The following JAKMIP1 variants were observed in gnomAD, a reference collection of about 807,000 sequenced individuals.
JAKMIP1 encodes janus kinase and microtubule-interacting protein 1.
Under a neutral mutation model 113.0 loss-of-function variants are expected in JAKMIP1, and 33 were observed. The ratio of observed to expected loss-of-function variants is 0.29; its 90% CI spans 0.22 to 0.39. The LOEUF is 0.39. Ranked by LOEUF, JAKMIP1 falls within the 10% of genes least tolerant of loss-of-function variation. JAKMIP1 has a pLI of 1.00. For missense variants in JAKMIP1, 813 were observed against 1,080.5 expected, an observed-to-expected ratio of 0.75 and a Z score of 3.47; for synonymous variants, 480 against 459.9, an observed-to-expected ratio of 1.04 and a Z score of -0.56.
chr4:6,038,411 A>G lies in JAKMIP1; in HGVS notation c.2175+2228T>C, dbSNP rs1157522167. Among the ~76,000 whole-genome samples, 4 of 126,036 alleles carry G rather than the reference A, an allele frequency of 3.2e-5. 1 individual carries two copies. Among genetic ancestry groups the G allele is most frequent in the African/African-American group, 7.1e-5 (2 of 28,248 alleles). The allele number at this position is 126,036 out of a possible 152,430, so 82.7% of individuals were successfully genotyped here. A position where few individuals can be genotyped will look rare whatever the true frequency, so the allele number is the denominator to read the frequency against. ...CCCAATAGCCCTCTGTCACCGAGGT[A>G]AAGGCTAACCCAGTAGCCCTCCATC... On this transcript the variant is annotated intron_variant, in intron 18 of 20. Transcript: ENST00000409021.
At chr4:6,102,321 T>G (rs1713178513) in intron 3 of JAKMIP1, among the ~76,000 whole-genome samples, 1 of 152,218 alleles carries the variant, frequency 6.6e-6, no homozygotes, top group African/African-American at 2.4e-5. Context: ...ATTCATACAT[T>G]GAAACTTATC....
intron 1 of JAKMIP1, among the ~76,000 whole-genome samples, chr4:6,146,737 C>T (rs888481600): frequency 2.6e-5 from 4 of 152,156 alleles, no homozygotes; most frequent in Non-Finnish European, 4.4e-5. Flanking sequence ...ATCTGGCCTG[C>T]GGTGGGGCAC....
chr4:6,197,794 C>T lies in JAKMIP1; in HGVS notation c.-148+2459G>A, dbSNP rs1446004728. ...GTCTGGCTCAGAGCCTGAAGAGACA[C>T]AAGGTCCCACCCTCGAGGAGTTAAA... On this transcript the variant is annotated intron_variant, in intron 1 of 20. Transcript: ENST00000409021. This position sits in a 1 kb window ranked among gnomAD's most constrained non-coding sequence, Gnocchi z 6.5. Among the ~76,000 whole-genome samples the T allele has an allele frequency of 2.6e-5, 4 of 152,240 alleles. No homozygotes were observed. Among genetic ancestry groups the T allele is most frequent in the Admixed American group, 1.3e-4 (2 of 15,284 alleles).
Position 6,185,194 on chromosome 4 carries a change from T to C in JAKMIP1, c.-148+15059A>G, listed in dbSNP as rs994448718. Among the ~76,000 whole-genome samples, 2 of 152,244 alleles carry C rather than the reference T, an allele frequency of 1.3e-5. No homozygotes were observed. Among genetic ancestry groups the C allele is most frequent in the Non-Finnish European group, 2.9e-5 (2 of 68,036 alleles). The stretch of plus-strand genomic sequence containing the variant: ...TGTGGGGCTTCACCTTGTGATCTTG[T>C]GAGTCAATTATCCCAATAAACTTCC... On this transcript the variant is annotated intron_variant, in intron 1 of 20. Coordinates refer to ENST00000409021, the MANE Select transcript of JAKMIP1 (RefSeq NM_001099433.2). The surrounding 1 kb of genome is among the most constrained non-coding windows in gnomAD (Gnocchi z 5.3).
In JAKMIP1 at chr4:6,179,723, A is replaced by G. The variant is rs1195005011; in HGVS notation, c.-148+20530T>C. On this transcript the variant is annotated intron_variant, in intron 1 of 20. Transcript: ENST00000409021. The surrounding 1 kb of genome is among the most constrained non-coding windows in gnomAD (Gnocchi z 4.5). ...CAGCTAAACCAAGAGCTGCCACTCA[A>G]AAGAAGAGACTATTCTATGCCAGGT... 6.6e-6 allele frequency among the ~76,000 whole-genome samples: 1 copy of G among 152,234 alleles called. No homozygotes were observed. The highest frequency in any genetic ancestry group is 1.5e-5 in the Non-Finnish European group (1 of 68,042).
At chr4:6,174,672 C>A (rs34111900) in intron 1 of JAKMIP1, among the ~76,000 whole-genome samples, 1 of 151,938 alleles carries the variant, frequency 6.6e-6, no homozygotes, top group Non-Finnish European at 1.5e-5. Flanking sequence ...CGAAACCCCC[C>A]GGAGCAGCTA....
rs1376625216 is a variant in JAKMIP1 at position 6,094,746 on chromosome 4, C to A, written c.625-9117G>T. 2.0e-5 allele frequency among the ~76,000 whole-genome samples: 3 copies of A among 152,196 alleles called. No individual in the cohort carries two copies. Among genetic ancestry groups the A allele is most frequent in the Admixed American group, 6.5e-5 (1 of 15,282 alleles). Reference sequence around the variant, plus strand: ...CAGTGGCTCACGCCTATAATCCCAGCACTTTGGGAGGCAGAGGCAGGACAT... The same window carrying A: ...CAGTGGCTCACGCCTATAATCCCAGAACTTTGGGAGGCAGAGGCAGGACAT... On this transcript the variant is annotated intron_variant, in intron 3 of 20. Coordinates refer to ENST00000409021, the MANE Select transcript of JAKMIP1 (RefSeq NM_001099433.2). The surrounding 1 kb of genome is among the most constrained non-coding windows in gnomAD (Gnocchi z 4.2).
intron 3 of JAKMIP1, among the ~76,000 whole-genome samples, chr4:6,091,688 A>G (rs1490753282): frequency 2.6e-5 from 4 of 152,140 alleles, no homozygotes; most frequent in Non-Finnish European, 4.4e-5. Flanking sequence ...CGTGATTGAG[A>G]AAAGGGGCTG....
chr4:6,047,793 C>A (rs1715183106), intron 16 of JAKMIP1, among the ~76,000 whole-genome samples: 2 of 152,188 alleles, frequency 1.3e-5, no homozygotes, highest in Admixed American at 6.5e-5. Context: ...TAAAGTTGAA[C>A]CCATATGCTT....
At chr4:6,146,402 C>T (rs1379129615) in intron 1 of JAKMIP1, among the ~76,000 whole-genome samples, 1 of 152,176 alleles carries the variant, frequency 6.6e-6, no homozygotes, top group Non-Finnish European at 1.5e-5. Flanking sequence ...ATGTGATCCT[C>T]CCACCTCAGA....
At position 6,069,224 on chromosome 4, in the gene JAKMIP1, TAAAAAA is replaced by T. The variant is rs774819309; in HGVS notation, c.1303-4222_1303-4217del. 6.6e-6 allele frequency among the ~76,000 whole-genome samples: 1 copy of T among 151,920 alleles called. No individual in the cohort carries two copies. Among genetic ancestry groups the T allele is most frequent in the African/African-American group, 2.4e-5 (1 of 41,372 alleles). On this transcript the variant is annotated intron_variant, in intron 8 of 20. Coordinates refer to ENST00000409021, the MANE Select transcript of JAKMIP1 (RefSeq NM_001099433.2). This position sits in a 1 kb window ranked among gnomAD's most constrained non-coding sequence, Gnocchi z 4.5. ...GTCATGACTGGCACACAGTGGGCTT[TAAAAAA>T]AATGGCAAACATGAAAGAAACTTCA...
At chr4:6,027,427 G>A (rs889465887) in intron 20 of JAKMIP1, among the ~76,000 whole-genome samples, 2 of 152,196 alleles carry the variant, frequency 1.3e-5, no homozygotes, top group Admixed American at 1.3e-4. Context: ...TGGGAAGAGG[G>A]AAGGATTCGT....
rs112271324 is a variant in JAKMIP1, at chr4:6,195,036, T to G, written c.-148+5217A>C. 3.3e-3 allele frequency among the ~76,000 whole-genome samples: 503 copies of G among 152,342 alleles called. 4 individuals carry two copies. Among genetic ancestry groups the G allele is most frequent in the African/African-American group, 0.012 (485 of 41,574 alleles). On this transcript the variant is annotated intron_variant, in intron 1 of 20. Transcript: ENST00000409021. ...GGCCTTTCACCTCCGTTCTTTAGTC[T>G]CATCCTCACAACCGAGGGATGTGCA...
intron 16 of JAKMIP1, among the ~76,000 whole-genome samples, chr4:6,043,790 T>G (rs1714654544): frequency 7.1e-6 from 1 of 140,278 alleles, no homozygotes; most frequent in Non-Finnish European, 1.5e-5. Context: ...AAAACACACA[T>G]GGGCTCATGG....
At chr4:6,113,082 C>T in intron 1 of JAKMIP1, 85 bp from the exon 2 acceptor site, 1 of 575,330 alleles carries the variant, frequency 1.7e-6, no homozygotes, top group Non-Finnish European at 3.0e-6. Context: ...GGCCAGGCAC[C>T]TGCCTCATCT....
chr4:6,063,614 T>C (rs1717631629), intron 9 of JAKMIP1, among the ~76,000 whole-genome samples: 1 of 152,202 alleles, frequency 6.6e-6, no homozygotes, highest in African/African-American at 2.4e-5. Flanking sequence ...AGGTGACATG[T>C]GTCCCCTAGA....
chr4:6,195,898 C>T (rs926478936), intron 1 of JAKMIP1, among the ~76,000 whole-genome samples: 1 of 152,240 alleles, frequency 6.6e-6, no homozygotes, highest in Non-Finnish European at 1.5e-5. Flanking sequence ...CACAAATGGG[C>T]GTGGCTGTGT....
chr4:6,094,270 G>A lies in JAKMIP1; in HGVS notation c.625-8641C>T, dbSNP rs186385428. 2.4e-4 allele frequency among the ~76,000 whole-genome samples: 36 copies of A among 152,286 alleles called. No homozygotes were observed. Among genetic ancestry groups the A allele is most frequent in the African/African-American group, 7.2e-4 (30 of 41,550 alleles). On this transcript the variant is annotated intron_variant, in intron 3 of 20. Transcript: ENST00000409021. This position sits in a 1 kb window ranked among gnomAD's most constrained non-coding sequence, Gnocchi z 4.2. ...CAGGTGCTCACCAAATGGAGTGCCCGGAAAATATATAGCCTCTCTTCCGTA... is the reference window on the plus strand; with the variant it reads ...CAGGTGCTCACCAAATGGAGTGCCCAGAAAATATATAGCCTCTCTTCCGTA...
Position 6,193,354 on chromosome 4 carries a change from T to G in JAKMIP1, c.-148+6899A>C, listed in dbSNP as rs1414232283. 1.3e-5 allele frequency among the ~76,000 whole-genome samples: 2 copies of G among 152,208 alleles called. No homozygotes were observed. Among genetic ancestry groups the G allele is most frequent in the African/African-American group, 4.8e-5 (2 of 41,452 alleles). On this transcript the variant is annotated intron_variant, in intron 1 of 20. Transcript: ENST00000409021. The surrounding 1 kb of genome is among the most constrained non-coding windows in gnomAD (Gnocchi z 6.4). Reference sequence around the variant, plus strand: ...CAGCCCATCGTGAGACTTTACCTTGTGATCGGTGAGTCAATTCTCCTTAAT... The same window carrying G: ...CAGCCCATCGTGAGACTTTACCTTGGGATCGGTGAGTCAATTCTCCTTAAT...
Sources: allele counts gnomAD v4.1 joint callset (sites outside exome capture counted in the v4.1 genomes callset), GRCh38; gene constraint gnomAD v4.1.1; non-coding constraint Gnocchi (gnomAD v3.1); transcripts MANE v1.5; gene names NCBI Gene and HGNC (gene_info 2026-07-23, HGNC 2026-07-21).